Variants in SLC20A2 observed in about 807,000 individuals in gnomAD.
SLC20A2 encodes the protein sodium-dependent phosphate transporter 2.
A neutral mutation model predicts 61.0 loss-of-function variants in SLC20A2; 30 were observed. The ratio of observed to expected loss-of-function variants is 0.49; its 90% CI spans 0.37 to 0.67. The LOEUF is 0.67. SLC20A2 is among the 30% of genes least tolerant of loss of function. The pLI is 0.00. For synonymous variants in SLC20A2, 351 were observed against 353.3 expected (o/e 0.99, Z 0.07); for missense variants, 626 against 866.4 (o/e 0.72, Z 3.48).
At chr8:42,530,964 C>A (rs1015787877) in intron 1 of SLC20A2, among the ~76,000 whole-genome samples, 1 of 152,162 alleles carries the variant, frequency 6.6e-6, no homozygotes, top group African/African-American at 2.4e-5. Flanking sequence ...AAGTGATCTG[C>A]CCGCCTCGGC....
intron 10 of SLC20A2, among the ~76,000 whole-genome samples, chr8:42,418,797 G>C (rs1802844067): frequency 6.6e-6 from 1 of 151,862 alleles, no homozygotes; most frequent in Non-Finnish European, 1.5e-5. Context: ...AGGAGATGGA[G>C]ACCATCCTGG....
intron 4 of SLC20A2, 88 bp downstream of exon 4, chr8:42,462,917 T>A: frequency 1.4e-6 from 1 of 691,348 alleles, no homozygotes; most frequent in Non-Finnish European, 2.4e-6. Context: ...AATACAATTA[T>A]TCCTCTAACC....
chr8:42,420,659 CTG>C (rs1326258862), intron 10 of SLC20A2, among the ~76,000 whole-genome samples: 1 of 152,204 alleles, frequency 6.6e-6, no homozygotes, highest in Non-Finnish European at 1.5e-5. Flanking sequence ...GCTATCTACT[CTG>C]TTCTTATCCA....
chr8:42,456,327 C>T (rs1382660242), intron 5 of SLC20A2, among the ~76,000 whole-genome samples: 3 of 152,174 alleles, frequency 2.0e-5, no homozygotes, highest in African/African-American at 4.8e-5. Context: ...CCACAGAAGG[C>T]GTCCTCAGCT....
chr8:42,440,220 C>T (rs1449586067), intron 6 of SLC20A2, among the ~76,000 whole-genome samples: 1 of 151,934 alleles, frequency 6.6e-6, no homozygotes, highest in African/African-American at 2.4e-5. Flanking sequence ...AAAACAACAA[C>T]CAAAAAAGGG....
chr8:42,419,822 A>G (rs1299842738), intron 10 of SLC20A2, among the ~76,000 whole-genome samples: 2 of 152,188 alleles, frequency 1.3e-5, no homozygotes, highest in Non-Finnish European at 1.5e-5. Flanking sequence ...TAATTTGCGT[A>G]TCTTTAATTA....
chr8:42,455,799 G>C (rs949163405), intron 5 of SLC20A2, among the ~76,000 whole-genome samples: 3 of 152,150 alleles, frequency 2.0e-5, no homozygotes, highest in Admixed American at 2.0e-4. Flanking sequence ...CTGGAGGCAT[G>C]GTTCAAATTC....
At chr8:42,462,813 G>A (rs1586109970) in intron 4 of SLC20A2, among the ~76,000 whole-genome samples, 192 bp downstream of exon 4, 2 of 152,110 alleles carry the variant, frequency 1.3e-5, no homozygotes. Flanking sequence ...GCTTGTTTCT[G>A]GGGGACTCTC....
rs202211319 is a variant in SLC20A2 at position 42,539,595 on chromosome 8, AAAGT to A, written c.-265+2222_-265+2225del. Among the ~76,000 whole-genome samples the A allele has an allele frequency of 7.8e-3, 1,184 of 152,346 alleles. 8 individuals carry two copies. The highest frequency in any genetic ancestry group is 0.027 in the African/African-American group (1,133 of 41,576). ...GTAAAACTGTGCTAGACTCATCAAC[AAAGT>A]AATAGCCAGTCCACTGTTTTTTATT... On this transcript the variant is annotated intron_variant, in intron 1 of 10. Transcript: ENST00000342228.
In SLC20A2 at chr8:42,465,828, G is replaced by C. The variant is rs1807113751; in HGVS notation, c.379C>G (p.Leu127Val). ...ACACCTTTGGTACCGATTGCGACCA[G>C]TGAGAATCCTATAGTAGAACCCACA... is the stretch of plus-strand genomic sequence containing the variant. ...CIVGSTIGFS[L>V]VAIGTKGVQW... The change falls in exon 3 of 11, where the codon CTG (leucine) becomes GTG (valine). Residue 127 changes from leucine (L) to valine (V), a missense_variant. By Grantham distance (32) the Leu-to-Val change is conservative. Transcript: ENST00000520262. 6.2e-7 allele frequency: 1 copy of C among 1,614,024 alleles called. No individual in the cohort carries two copies. The highest frequency in any genetic ancestry group is 8.5e-7 in the Non-Finnish European group (1 of 1,179,990).
chr8:42,532,811 G>A lies in SLC20A2; in HGVS notation c.-265+9010C>T, dbSNP rs545831130. On this transcript the variant is annotated intron_variant, in intron 1 of 10. Transcript: ENST00000342228. ...CAGGACTGACCGGGCTGAGTGGAACGTAAGTGGACCACAGGCGAGGGTGAA... is the reference window on the plus strand; with the variant it reads ...CAGGACTGACCGGGCTGAGTGGAACATAAGTGGACCACAGGCGAGGGTGAA... Among the ~76,000 whole-genome samples, 4 of 152,312 alleles carry A rather than the reference G, an allele frequency of 2.6e-5. No individual in the cohort carries two copies. The South Asian group carries it at 8.3e-4, about 32-fold the overall frequency.
chr8:42,449,949 C>G (rs1805512116), intron 5 of SLC20A2, among the ~76,000 whole-genome samples: 2 of 152,294 alleles, frequency 1.3e-5, no homozygotes, highest in African/African-American at 4.8e-5. Context: ...CGGATATCTT[C>G]TCATAGTAAA....
At chr8:42,450,180 AAT>A (rs375520094) in intron 5 of SLC20A2, among the ~76,000 whole-genome samples, 1 of 151,362 alleles carries the variant, frequency 6.6e-6, no homozygotes, top group Admixed American at 6.6e-5. Flanking sequence ...ATAAGTAAAA[AAT>A]ATATATATAT....
intron 1 of SLC20A2, among the ~76,000 whole-genome samples, chr8:42,514,105 C>T (rs1022370304): frequency 5.9e-5 from 9 of 152,142 alleles, no homozygotes; most frequent in African/African-American, 1.9e-4. Flanking sequence ...TCTGGATACA[C>T]ATTAAAATCT....
chr8:42,438,074 A>AC (rs1287416989), intron 7 of SLC20A2, among the ~76,000 whole-genome samples: 145 of 146,116 alleles, frequency 9.9e-4, no homozygotes, highest in Non-Finnish European at 1.4e-3. Context: ...AAAAAAAAAA[A>AC]AAAAAAAAAA....
Position 42,439,496 on chromosome 8 carries a change from C to T in SLC20A2, c.888G>A (p.Gly296=). Reference sequence around the variant, plus strand: ...TGCCCGCAGAAGTGCCTTCCGAGGTCCCCAGTGTCTCCCCTGCTGCTCCCG... The same window carrying T: ...TGCCCGCAGAAGTGCCTTCCGAGGTTCCCAGTGTCTCCCCTGCTGCTCCCG... The part of the protein sequence containing the change: ...PLTGAAGETL[G]TSEGTSAGSH... Residue 296 remains glycine (G), a synonymous_variant, in exon 7 of 11, where the codon GGG becomes GGA. Coordinates refer to ENST00000520262, the MANE Select transcript of SLC20A2 (RefSeq NM_001257180.2). 6.2e-7 allele frequency: 1 copy of T among 1,614,128 alleles called. No individual in the cohort carries two copies. The highest frequency in any genetic ancestry group is 8.5e-7 in the Non-Finnish European group (1 of 1,180,036).
chr8:42,433,965 C>T (rs1212623400), intron 8 of SLC20A2, among the ~76,000 whole-genome samples: 1 of 152,188 alleles, frequency 6.6e-6, no homozygotes, highest in Non-Finnish European at 1.5e-5. Context: ...ATTTTACACC[C>T]CCACTAATGG....
chr8:42,503,849 T>C (rs560237053), upstream of SLC20A2, among the ~76,000 whole-genome samples: 1 of 152,356 alleles, frequency 6.6e-6, no homozygotes, highest in South Asian at 2.1e-4. Context: ...TGCACACTTA[T>C]ATACACTCAA....
chr8:42,494,257 T>C (rs964001884), intron 1 of SLC20A2, among the ~76,000 whole-genome samples: 9 of 152,212 alleles, frequency 5.9e-5, no homozygotes, highest in Non-Finnish European at 2.9e-5. Flanking sequence ...AACATATTGG[T>C]GTACTAGCTT....
Sources: allele counts gnomAD v4.1 joint callset (sites outside exome capture counted in the v4.1 genomes callset), GRCh38; gene constraint gnomAD v4.1.1; transcripts MANE v1.5; gene names NCBI Gene and HGNC (gene_info 2026-07-23, HGNC 2026-07-21).